OAF: variants seen among roughly 807,000 people sequenced by gnomAD.
OAF encodes the protein out at first homolog, also known as out at first protein homolog.
A neutral mutation model predicts 22.5 loss-of-function variants in OAF; 13 were observed. That is an observed-to-expected ratio of 0.58 (90% CI 0.38 to 0.92). The LOEUF is 0.92. OAF is among the 40% of genes least tolerant of loss of function. The probability of loss-of-function intolerance (pLI) is 0.00; values close to 1 mark genes in which losing one functional copy is unlikely to be tolerated. For missense variants in OAF, 347 were observed against 381.8 expected (o/e 0.91, Z 0.76); for synonymous variants, 175 against 170.5 (o/e 1.03, Z -0.21).
At chr11:120,214,292 A>G (rs1034182972) in intron 1 of OAF, among the ~76,000 whole-genome samples, 11 of 152,244 alleles carry the variant, frequency 7.2e-5, no homozygotes, top group African/African-American at 2.2e-4. Flanking sequence ...TCCCACAGTT[A>G]GTAGTGCCTA....
In OAF at chr11:120,211,229, C is replaced by G; in HGVS notation, c.-51C>G. On this transcript the variant is annotated 5_prime_UTR_variant, in exon 1 of 4. Transcript: ENST00000328965. Reference sequence around the variant, plus strand: ...TTGGGCGAAGTTTGCCTGCGCCTCTCCCCGCCCCCACGCGGCGCGCCGGGG... The same window carrying G: ...TTGGGCGAAGTTTGCCTGCGCCTCTGCCCGCCCCCACGCGGCGCGCCGGGG... The G allele has an allele frequency of 1.7e-6, 2 of 1,149,108 alleles. No individual in the cohort carries two copies. The highest frequency in any genetic ancestry group is 2.1e-6 in the Non-Finnish European group (2 of 930,886). 71.2% of individuals were successfully genotyped at this position (1,149,108 alleles called of 1,614,324 possible).
rs1565344260 is a variant in OAF, at chr11:120,228,849, C to G, written c.548-19C>G. The G allele has an allele frequency of 4.2e-6, 2 of 473,206 alleles. No homozygotes were observed. Among genetic ancestry groups the G allele is most frequent in the Non-Finnish European group, 4.1e-6 (1 of 245,192 alleles). 29.3% of individuals were successfully genotyped at this position (473,206 alleles called of 1,614,324 possible). Reference sequence around the variant, plus strand: ...CTCCCTCCCTCCCTCCCTCCCTGATCCTTGCCTCTCTCCCCCAGGTGTGGA... The same window carrying G: ...CTCCCTCCCTCCCTCCCTCCCTGATGCTTGCCTCTCTCCCCCAGGTGTGGA... On this transcript the variant is annotated intron_variant, in intron 3 of 3. Coordinates refer to ENST00000328965, the MANE Select transcript of OAF (RefSeq NM_178507.4).
At position 120,227,212 on chromosome 11, in the gene OAF, C is replaced by G. The variant is rs182359142; in HGVS notation, c.547+216C>G. On this transcript the variant is annotated intron_variant, in intron 3 of 3. Coordinates refer to ENST00000328965, the MANE Select transcript of OAF (RefSeq NM_178507.4). The stretch of plus-strand genomic sequence containing the variant: ...GAGATGTAGACACTCAGTTCCTGTC[C>G]CCCAGCAGGGTAGATCTGCACAGAG... Among the ~76,000 whole-genome samples the G allele has an allele frequency of 4.2e-3, 641 of 152,242 alleles. 3 individuals carry two copies. The highest frequency in any genetic ancestry group is 0.024 in the Middle Eastern group (7 of 294).
intron 3 of OAF, among the ~76,000 whole-genome samples, chr11:120,228,170 C>T (rs998800325): frequency 3.9e-5 from 6 of 152,018 alleles, no homozygotes; most frequent in African/African-American, 1.2e-4. Context: ...CTGCAACCTC[C>T]GCCACCCGGG....
chr11:120,215,511 T>C (rs1321267627), intron 1 of OAF, among the ~76,000 whole-genome samples: 1 of 152,218 alleles, frequency 6.6e-6, no homozygotes, highest in Non-Finnish European at 1.5e-5. Context: ...CTAATGTGTT[T>C]TGAGCAGCAC....
At chr11:120,224,586 T>C (rs917065302) in intron 1 of OAF, among the ~76,000 whole-genome samples, 6 of 152,038 alleles carry the variant, frequency 3.9e-5, no homozygotes, top group African/African-American at 1.4e-4. Flanking sequence ...TTCTCGCGGG[T>C]GTACAGCAAG....
chr11:120,215,172 C>T (rs1365354723), intron 1 of OAF, among the ~76,000 whole-genome samples: 2 of 152,078 alleles, frequency 1.3e-5, no homozygotes, highest in African/African-American at 2.4e-5. Flanking sequence ...GGCGAAACCC[C>T]GTCTCTACTA....
At chr11:120,224,792 C>T (rs968416912) in intron 1 of OAF, among the ~76,000 whole-genome samples, 1 of 152,202 alleles carries the variant, frequency 6.6e-6, no homozygotes, top group African/African-American at 2.4e-5. Context: ...TAACTTCTCA[C>T]TGGGAGCAGA....
At chr11:120,223,412 CT>C (rs1938307517) in intron 1 of OAF, among the ~76,000 whole-genome samples, 1 of 152,190 alleles carries the variant, frequency 6.6e-6, no homozygotes, top group Non-Finnish European at 1.5e-5. Context: ...ATCATACATC[CT>C]TTTGACCCAT....
chr11:120,218,781 G>A (rs1234720012), intron 1 of OAF, among the ~76,000 whole-genome samples: 1 of 152,174 alleles, frequency 6.6e-6, no homozygotes, highest in Admixed American at 6.5e-5. Context: ...CTGCTGCCCT[G>A]GCCCCCTTTG....
chr11:120,228,857 C>T lies in OAF; in HGVS notation c.548-11C>T. 4 of 1,173,342 alleles carry T rather than the reference C, an allele frequency of 3.4e-6. No individual in the cohort carries two copies. The highest frequency in any genetic ancestry group is 4.7e-6 in the Non-Finnish European group (4 of 855,060). The allele number at this position is 1,173,342 out of a possible 1,614,324, so 72.7% of individuals were successfully genotyped here. A position where few individuals can be genotyped will look rare whatever the true frequency, so the allele number is the denominator to read the frequency against. ...CTCCCTCCCTCCCTGATCCTTGCCT[C>T]TCTCCCCCAGGTGTGGACAGTTCTG... On this transcript the variant is annotated splice_polypyrimidine_tract_variant and intron_variant, in intron 3 of 3. Coordinates refer to ENST00000328965, the MANE Select transcript of OAF (RefSeq NM_178507.4).
At chr11:120,227,087 T>C (rs572795920) in intron 3 of OAF, 91 bp downstream of exon 3, 9 of 849,974 alleles carry the variant, frequency 1.1e-5, no homozygotes, top group Non-Finnish European at 1.6e-5. Flanking sequence ...AGGGGCATCA[T>C]TAGTTGAGTC....
At chr11:120,225,516 TA>T in intron 1 of OAF, 144 bp from the exon 2 acceptor site, 2 of 625,172 alleles carry the variant, frequency 3.2e-6, no homozygotes, top group Non-Finnish European at 5.2e-6. Context: ...ACGGAAAAGA[TA>T]AAAATTCCTA....
intron 2 of OAF, 143 bp downstream of exon 2, chr11:120,225,938 A>C: frequency 1.5e-6 from 1 of 675,558 alleles, no homozygotes; most frequent in Non-Finnish European, 2.4e-6. Context: ...TGATTCCCCA[A>C]CCTTAGCCTC....
chr11:120,214,176 A>G (rs1938183640), intron 1 of OAF, among the ~76,000 whole-genome samples: 1 of 152,350 alleles, frequency 6.6e-6, no homozygotes, highest in African/African-American at 2.4e-5. Context: ...ACTGAATGAG[A>G]CAGACTTGGT....
At chr11:120,221,081 C>A (rs1938275263) in intron 1 of OAF, among the ~76,000 whole-genome samples, 1 of 152,198 alleles carries the variant, frequency 6.6e-6, no homozygotes. Context: ...CAGCCCCAAC[C>A]TTAAGGGGAC....
chr11:120,219,195 G>A (rs1187063932), intron 1 of OAF, among the ~76,000 whole-genome samples: 7 of 151,998 alleles, frequency 4.6e-5, no homozygotes, highest in Non-Finnish European at 1.0e-4. Flanking sequence ...GGAGACTGAG[G>A]GAGGAGACAG....
chr11:120,229,387 T>A lies in OAF; in HGVS notation c.*245T>A. On this transcript the variant is annotated 3_prime_UTR_variant, in exon 4 of 4. Transcript: ENST00000328965. ...TGCGGGCAGAGAGGGAGAGAAGGGC[T>A]CCCCAGATCTACACCCCTCCCTCCT... 2.1e-5 allele frequency: 4 copies of A among 189,594 alleles called. No individual in the cohort carries two copies. The highest frequency in any genetic ancestry group is 2.1e-4 in the South Asian group (1 of 4,818). The allele number at this position is 189,594 out of a possible 1,614,324, so 11.7% of individuals were successfully genotyped here.
intron 1 of OAF, chr11:120,217,455 T>A (rs1938227283): frequency 6.6e-6 from 1 of 152,194 alleles, no homozygotes; most frequent in African/African-American, 2.4e-5. Context: ...GGTGTGTGCC[T>A]ATAATTTCAG....
Sources: gnomAD v4.1 joint callset for allele counts (sites outside exome capture counted in the v4.1 genomes callset) on GRCh38, gnomAD v4.1.1 for gene constraint, MANE v1.5 for transcripts, NCBI Gene and HGNC (gene_info 2026-07-23, HGNC 2026-07-21) for gene names.